SMCHD1: variants seen among roughly 807,000 people sequenced by gnomAD.
The protein encoded by SMCHD1 is structural maintenance of chromosomes flexible hinge domain-containing protein 1.
SMCHD1 carries 78 observed loss-of-function variants against 254.7 expected under a neutral mutation model. The ratio of observed to expected loss-of-function variants is 0.31; its 90% CI spans 0.26 to 0.37. SMCHD1 has a LOEUF of 0.37. Among genes scored for constraint, SMCHD1 ranks in the 10% least tolerant of loss-of-function variants. SMCHD1 has a pLI of 1.00. For synonymous variants in SMCHD1, 766 were observed against 794.9 expected (o/e 0.96, Z 0.61); for missense variants, 1,840 against 2,408.1 (o/e 0.76, Z 4.94).
rs536083419 is a variant in SMCHD1 at position 2,670,761 on chromosome 18, C to T, written c.425-2520C>T. Among the ~76,000 whole-genome samples the T allele has an allele frequency of 1.6e-3, 245 of 151,848 alleles. 2 individuals carry two copies. The highest frequency in any genetic ancestry group is 0.011 in the South Asian group (54 of 4,814). ...ACTAAAAGTACAAAAATTGGCCAGG[C>T]GTGGAGGTGGGTGCCTGTAATTCCA... On this transcript the variant is annotated intron_variant, in intron 3 of 47. Transcript: ENST00000320876.
At chr18:2,665,537 T>G (rs1457502164) in intron 1 of SMCHD1, among the ~76,000 whole-genome samples, 1 of 152,170 alleles carries the variant, frequency 6.6e-6, no homozygotes, top group Non-Finnish European at 1.5e-5. Context: ...GTCGGGCTGG[T>G]CTTGAACTCC....
chr18:2,782,161 CT>C (rs1454023180), intron 44 of SMCHD1, among the ~76,000 whole-genome samples: 1 of 152,172 alleles, frequency 6.6e-6, no homozygotes, highest in Non-Finnish European at 1.5e-5. Flanking sequence ...AGAAAAAGCT[CT>C]TATGACATTC....
intron 7 of SMCHD1, among the ~76,000 whole-genome samples, chr18:2,693,933 C>T (rs2074235468): frequency 6.6e-6 from 1 of 152,066 alleles, no homozygotes; most frequent in Non-Finnish European, 1.5e-5. Context: ...GCCCGGCCTG[C>T]AATTTTTTAA....
In SMCHD1 at chr18:2,804,310, T is replaced by C. The variant is rs1403624042; in HGVS notation, c.*1758T>C. The C allele has an allele frequency of 6.6e-6, 1 of 152,220 alleles. No homozygotes were observed. The highest frequency in any genetic ancestry group is 2.4e-5 in the African/African-American group (1 of 41,448). The allele number at this position is 152,220 out of a possible 1,614,324, so 9.4% of individuals were successfully genotyped here. The stretch of plus-strand genomic sequence containing the variant: ...AGTGTGTTTAAAAACATGTCTTTTT[T>C]TCCCTTGAGCGACAGTGGCCTCACT... On this transcript the variant is annotated 3_prime_UTR_variant, in exon 48 of 48. Coordinates refer to ENST00000320876, the MANE Select transcript of SMCHD1 (RefSeq NM_015295.3).
intron 5 of SMCHD1, among the ~76,000 whole-genome samples, chr18:2,684,503 G>A (rs888631613): frequency 3.3e-5 from 5 of 152,016 alleles, no homozygotes; most frequent in African/African-American, 1.2e-4. Context: ...TATTTAAAGA[G>A]GGTTTCTTTT....
chr18:2,657,526 A>ATGG (rs2073106524), intron 1 of SMCHD1, among the ~76,000 whole-genome samples: 1 of 152,228 alleles, frequency 6.6e-6, no homozygotes, highest in African/African-American at 2.4e-5. Context: ...TCAGTACATT[A>ATGG]AAGAAAATAT....
intron 37 of SMCHD1, 63 bp from the exon 38 acceptor site, chr18:2,769,631 T>G: frequency 6.6e-7 from 1 of 1,508,786 alleles, no homozygotes. Flanking sequence ...TTATGTAACA[T>G]TTATATGTTG....
chr18:2,719,735 G>T (rs1873008833), intron 19 of SMCHD1, among the ~76,000 whole-genome samples: 3 of 151,344 alleles, frequency 2.0e-5, no homozygotes, highest in Admixed American at 2.0e-4. Context: ...GAGTGCAATG[G>T]TGTGATCTCG....
At chr18:2,667,288 A>G (rs1008117905) in intron 3 of SMCHD1, among the ~76,000 whole-genome samples, 56 of 152,196 alleles carry the variant, frequency 3.7e-4, no homozygotes, top group African/African-American at 1.2e-3. Context: ...CTTGACCTAT[A>G]CAGCTTTCCA....
chr18:2,661,706 G>A (rs538716774), intron 1 of SMCHD1, among the ~76,000 whole-genome samples: 3 of 152,284 alleles, frequency 2.0e-5, no homozygotes, highest in African/African-American at 4.8e-5. Context: ...GCGATAACCC[G>A]GTTGCCATTG....
intron 28 of SMCHD1, among the ~76,000 whole-genome samples, chr18:2,743,079 T>C (rs950101673): frequency 3.2e-4 from 48 of 152,198 alleles, no homozygotes; most frequent in African/African-American, 1.1e-3. Flanking sequence ...GAATAAATCA[T>C]CAAGGGTCAC....
At chr18:2,691,099 T>G (rs766666612) in intron 7 of SMCHD1, among the ~76,000 whole-genome samples, 29 of 152,208 alleles carry the variant, frequency 1.9e-4, no homozygotes, top group Non-Finnish European at 4.1e-4. Context: ...TTTCATTTAC[T>G]TAACAAATTG....
intron 1 of SMCHD1, among the ~76,000 whole-genome samples, chr18:2,662,167 AAAAAAAAAAAAT>A (rs2073287771): frequency 1.1e-5 from 1 of 89,428 alleles, no homozygotes; most frequent in Non-Finnish European, 2.0e-5. Context: ...CTCCGTCTCA[AAAAAAAAAAAAT>A]AAAATAAATA....
At chr18:2,676,983 T>C (rs2073765278) in intron 5 of SMCHD1, among the ~76,000 whole-genome samples, 1 of 152,196 alleles carries the variant, frequency 6.6e-6, no homozygotes, top group African/African-American at 2.4e-5. Context: ...CCTGTTGTCA[T>C]GTTCGATCTC....
At chr18:2,702,239 A>C (rs1020536146) in intron 12 of SMCHD1, 2 of 140,296 alleles carry the variant, frequency 1.4e-5, no homozygotes, top group African/African-American at 5.0e-5. Context: ...GGATGGCTTG[A>C]GGCCAGGAGT....
intron 19 of SMCHD1, among the ~76,000 whole-genome samples, chr18:2,722,085 G>A (rs1425517864): frequency 1.3e-5 from 2 of 152,066 alleles, no homozygotes; most frequent in African/African-American, 4.8e-5. Flanking sequence ...TTCTCATGTC[G>A]AGCTTCTATT....
At chr18:2,735,170 TAAAC>T (rs138579882) in intron 25 of SMCHD1, among the ~76,000 whole-genome samples, 2,730 of 152,296 alleles carry the variant, frequency 0.018, 40 homozygotes, top group Middle Eastern at 0.1. Flanking sequence ...ATTCACCACA[TAAAC>T]AAAATTAAAA....
intron 30 of SMCHD1, among the ~76,000 whole-genome samples, chr18:2,749,012 A>T (rs2075521706): frequency 6.6e-6 from 1 of 152,200 alleles, no homozygotes; most frequent in South Asian, 2.1e-4. Context: ...ACCTGTTTTC[A>T]TAGTAATTAC....
intron 45 of SMCHD1, among the ~76,000 whole-genome samples, chr18:2,785,159 G>C (rs955671896): frequency 6.6e-6 from 1 of 151,942 alleles, no homozygotes; most frequent in Non-Finnish European, 1.5e-5. Context: ...GTCCCTGCAC[G>C]TCTGTGCTCT....
Sources: allele counts gnomAD v4.1 joint callset (sites outside exome capture counted in the v4.1 genomes callset), GRCh38; gene constraint gnomAD v4.1.1; transcripts MANE v1.5; gene names NCBI Gene and HGNC (gene_info 2026-07-23, HGNC 2026-07-21).